The following GUCY2C variants were observed in gnomAD, a reference collection of about 807,000 sequenced individuals.
GUCY2C encodes guanylate cyclase 2C.
A neutral mutation model predicts 131.1 loss-of-function variants in GUCY2C; 118 were observed. That is an observed-to-expected ratio of 0.90 (90% CI 0.78 to 1.05). The LOEUF (loss-of-function observed/expected upper bound fraction) is 1.05, where lower values mean the gene tolerates loss of function less well. Ranked by LOEUF, GUCY2C falls within the 50% of genes least tolerant of loss-of-function variation. The pLI, the probability that GUCY2C is intolerant of heterozygous loss-of-function variation, is 0.00. For missense variants in GUCY2C, 1,161 were observed against 1,304.4 expected (o/e 0.89, Z 1.69); for synonymous variants, 452 against 457.8 (o/e 0.99, Z 0.16).
chr12:14,650,973 C>G (rs1380421461), intron 15 of GUCY2C, among the ~76,000 whole-genome samples: 1 of 152,016 alleles, frequency 6.6e-6, no homozygotes, highest in African/African-American at 2.4e-5. Context: ...AATACCTGAC[C>G]TCATCTGGCA....
intron 20 of GUCY2C, among the ~76,000 whole-genome samples, 191 bp from the exon 21 acceptor site, chr12:14,626,106 G>A (rs1000602705): frequency 2.6e-5 from 4 of 152,190 alleles, no homozygotes; most frequent in Admixed American, 6.5e-5. Flanking sequence ...TTGGGAGTCC[G>A]AGGCGGGAGG....
rs1331752780 is a variant in GUCY2C, at chr12:14,614,897, T to C, written c.3017A>G (p.Gln1006Arg). Reference protein sequence around the residue: ...TTYWLTGMKDQKFNLPTPPTV... With the variant: ...TTYWLTGMKDRKFNLPTPPTV... Reference sequence around the variant, plus strand: ...AGGAGGGGTTGGCAGGTTGAATTTCTGGTCCTTCATCCCAGTCAGCCAGTA... The same window carrying C: ...AGGAGGGGTTGGCAGGTTGAATTTCCGGTCCTTCATCCCAGTCAGCCAGTA... The change falls in exon 26 of 27, where the codon CAG becomes CGG. Residue 1006 changes from glutamine (Q) to arginine (R), a missense_variant. Transcript: ENST00000261170. 1 of 1,586,752 alleles carries C rather than the reference T, an allele frequency of 6.3e-7. No homozygotes were observed. Among genetic ancestry groups the C allele is most frequent in the East Asian group, 2.4e-5 (1 of 42,340 alleles).
At position 14,686,348 on chromosome 12, in the gene GUCY2C, C is replaced by T; in HGVS notation, c.331-123G>A. On this transcript the variant is annotated intron_variant, in intron 2 of 26. Transcript: ENST00000261170. Reference sequence around the variant, plus strand: ...AGTTGGGCCTCCCAAAATGCTCAAACTCAGAGCAACATAGGGTGCCTTGGT... The same window carrying T: ...AGTTGGGCCTCCCAAAATGCTCAAATTCAGAGCAACATAGGGTGCCTTGGT... The T allele has an allele frequency of 8.7e-6, 6 of 690,298 alleles. 1 individual carries two copies. In the South Asian group the frequency reaches 1.0e-4, roughly 12 times the overall value. The allele number at this position is 690,298 out of a possible 1,614,324, so 42.8% of individuals were successfully genotyped here.
intron 23 of GUCY2C, among the ~76,000 whole-genome samples, chr12:14,620,273 G>A (rs1020520552): frequency 6.6e-6 from 1 of 152,204 alleles, no homozygotes; most frequent in Non-Finnish European, 1.5e-5. Flanking sequence ...TCAGCCAATC[G>A]CAGTAGCTGA....
intron 16 of GUCY2C, among the ~76,000 whole-genome samples, chr12:14,643,924 T>G (rs1947459611): frequency 6.6e-6 from 1 of 152,106 alleles, no homozygotes; most frequent in African/African-American, 2.4e-5. Context: ...AATGACAGAG[T>G]AAAAGGGAAT....
intron 8 of GUCY2C, among the ~76,000 whole-genome samples, chr12:14,674,113 C>T (rs4764115): frequency 0.99 from 150,504 of 152,280 alleles, 74,391 homozygotes; most frequent in Middle Eastern, 1. Flanking sequence ...ATCTGGGAAA[C>T]GAAAGATGGG....
Position 14,619,260 on chromosome 12 carries a change from T to A in GUCY2C, c.2826A>T (p.Leu942=), listed in dbSNP as rs897689985. Residue 942 remains leucine, a synonymous_variant, in exon 24 of 27, where the codon CTA becomes CTT. Transcript: ENST00000261170. ...AGGCTGTGTTGACCGTATCTCCAAA[T>A]AGACAATAACGAGGCATCTTGATTC... The part of the protein sequence containing the change: ...VVGIKMPRYC[L]FGDTVNTASR... 1 of 1,613,038 alleles carries A rather than the reference T, an allele frequency of 6.2e-7. No homozygotes were observed.
chr12:14,649,473 T>C (rs927206145), intron 15 of GUCY2C, among the ~76,000 whole-genome samples: 1 of 152,066 alleles, frequency 6.6e-6, no homozygotes, highest in Admixed American at 6.6e-5. Flanking sequence ...AAAGTCAGCA[T>C]AGGATTGAAA....
chr12:14,670,494 G>C (rs1948082933), intron 9 of GUCY2C, among the ~76,000 whole-genome samples: 1 of 152,002 alleles, frequency 6.6e-6, no homozygotes, highest in Non-Finnish European at 1.5e-5. Context: ...AGTCAATTTT[G>C]TAAGGGAGAT....
At chr12:14,629,427 T>G (rs1306887038) in intron 19 of GUCY2C, among the ~76,000 whole-genome samples, 1 of 152,202 alleles carries the variant, frequency 6.6e-6, no homozygotes, top group African/African-American at 2.4e-5. Context: ...GAGAAGGTCT[T>G]CAGGACTCAG....
Position 14,613,144 on chromosome 12 carries a change from G to C in GUCY2C, c.3195C>G (p.Thr1065=), listed in dbSNP as rs1286765371. The C allele has an allele frequency of 2.5e-6, 4 of 1,613,396 alleles. No individual in the cohort carries two copies. Among genetic ancestry groups the C allele is most frequent in the Non-Finnish European group, 3.4e-6 (4 of 1,179,546 alleles). ...KGTLEYLQLN[T]TDKESTYF is the part of the protein sequence containing the mutation. ...AAAAATAGGTGCTCTCCTTGTCTGT[G>C]GTATTCAGCTGCAAGTATTCCAGAG... The change falls in exon 27 of 27, where the codon ACC becomes ACG. Residue 1065 remains threonine (T), a synonymous_variant. Coordinates refer to ENST00000261170, the MANE Select transcript of GUCY2C (RefSeq NM_004963.4). This position sits in a 1 kb window ranked among gnomAD's most constrained non-coding sequence, Gnocchi z 4.9.
chr12:14,617,887 T>C (rs1176852210), intron 24 of GUCY2C, among the ~76,000 whole-genome samples: 1 of 152,196 alleles, frequency 6.6e-6, no homozygotes, highest in African/African-American at 2.4e-5. Context: ...CAACTTATAC[T>C]GAGAATGATT....
intron 7 of GUCY2C, among the ~76,000 whole-genome samples, chr12:14,674,985 G>A (rs1184039664): frequency 6.6e-6 from 1 of 151,872 alleles, no homozygotes; most frequent in Non-Finnish European, 1.5e-5. Context: ...TGAGGAGGGC[G>A]GAGCACCTGA....
intron 15 of GUCY2C, among the ~76,000 whole-genome samples, chr12:14,650,619 C>G (rs180936862): frequency 1.5e-4 from 23 of 152,156 alleles, no homozygotes; most frequent in Admixed American, 1.1e-3. Context: ...TGGCCAGCCC[C>G]CTGCTCAAGA....
At chr12:14,655,871 A>G (rs1165322665) in intron 12 of GUCY2C, among the ~76,000 whole-genome samples, 2 of 152,196 alleles carry the variant, frequency 1.3e-5, no homozygotes, top group Non-Finnish European at 2.9e-5. Flanking sequence ...ATAAGTGCTC[A>G]GTAAGTGTTA....
At chr12:14,657,573 G>C (rs1167187785) in intron 11 of GUCY2C, among the ~76,000 whole-genome samples, 1 of 152,124 alleles carries the variant, frequency 6.6e-6, no homozygotes, top group Non-Finnish European at 1.5e-5. Flanking sequence ...GGAGGTGAGA[G>C]GTCAGTATTA....
chr12:14,641,765 TG>T (rs1947409708), intron 17 of GUCY2C, among the ~76,000 whole-genome samples: 1 of 152,018 alleles, frequency 6.6e-6, no homozygotes, highest in African/African-American at 2.4e-5. Flanking sequence ...GGTGAAACCC[TG>T]TCTCTACTAA....
intron 5 of GUCY2C, 78 bp from the exon 6 acceptor site, chr12:14,679,831 T>G (rs935968954): frequency 1.3e-6 from 1 of 744,342 alleles, no homozygotes; most frequent in Admixed American, 2.1e-5. Context: ...TTGCCTGAAT[T>G]TGAATCCAGT....
At chr12:14,641,535 T>C (rs774084753) in intron 17 of GUCY2C, among the ~76,000 whole-genome samples, 12 of 152,144 alleles carry the variant, frequency 7.9e-5, no homozygotes, top group South Asian at 4.1e-4. Flanking sequence ...TGGGGTCTGA[T>C]TGTGGTAAAT....
Sources: allele counts gnomAD v4.1 joint callset (sites outside exome capture counted in the v4.1 genomes callset), GRCh38; gene constraint gnomAD v4.1.1; non-coding constraint Gnocchi (gnomAD v3.1); transcripts MANE v1.5; gene names NCBI Gene and HGNC (gene_info 2026-07-23, HGNC 2026-07-21).